SAMD5: variants seen among roughly 807,000 people sequenced by gnomAD.
SAMD5 encodes the protein sterile alpha motif domain containing 5.
In SAMD5, 13 loss-of-function variants were observed where a neutral mutation model predicts 11.3. The observed-to-expected ratio is 1.15, with a 90% CI of 0.75 to 1.83. The LOEUF is 1.83. Among genes scored for constraint, SAMD5 ranks in the 40% most tolerant of loss-of-function variants. The pLI, the probability that SAMD5 is intolerant of heterozygous loss-of-function variation, is 0.00. For synonymous variants in SAMD5, 129 were observed against 111.3 expected (o/e 1.16, Z -1.00); for missense variants, 255 against 239.1 (o/e 1.07, Z -0.44).
At chr6:147,814,851 A>G in the SAMD5 span, among the ~76,000 whole-genome samples, 469 of 152,288 alleles carry the variant, frequency 3.1e-3, 2 homozygotes, top group African/African-American at 0.01. Flanking sequence ...GGGAAATGTA[A>G]TTGGCAGGAA....
At chr6:147,794,299 C>G in the SAMD5 span, among the ~76,000 whole-genome samples, 1 of 152,080 alleles carries the variant, frequency 6.6e-6, no homozygotes, top group African/African-American at 2.4e-5. Context: ...TTTAGAGCTT[C>G]AAAAGTATTC....
At chr6:147,904,002 TC>T in the SAMD5 span, among the ~76,000 whole-genome samples, 1 of 152,156 alleles carries the variant, frequency 6.6e-6, no homozygotes, top group Non-Finnish European at 1.5e-5. Context: ...TCCCCAGATT[TC>T]TTTGTCTATG....
intron 1 of SAMD5, among the ~76,000 whole-genome samples, chr6:147,720,349 G>A (rs1791530210): frequency 6.6e-6 from 1 of 152,168 alleles, no homozygotes; most frequent in South Asian, 2.1e-4. Context: ...TGTAGTCCCA[G>A]CTACTCGGGA....
chr6:147,935,286 A>G, the SAMD5 span, among the ~76,000 whole-genome samples: 5 of 152,164 alleles, frequency 3.3e-5, no homozygotes, highest in Admixed American at 2.0e-4. Context: ...GCACATCTTC[A>G]TAGTGATATC....
chr6:147,870,431 GGTGTGT>G, the SAMD5 span, among the ~76,000 whole-genome samples: 5 of 138,304 alleles, frequency 3.6e-5, no homozygotes, highest in Admixed American at 1.5e-4. Context: ...CATCCCCTTT[GGTGTGT>G]GTGTGTGTGT....
intron 1 of SAMD5, among the ~76,000 whole-genome samples, chr6:147,662,025 C>T (rs944167140): frequency 2.6e-5 from 4 of 152,140 alleles, no homozygotes; most frequent in African/African-American, 7.2e-5. Context: ...TGACTCATTT[C>T]GTCCTCTCCT....
chr6:147,542,169 A>G (rs1310658443), intron 1 of SAMD5, among the ~76,000 whole-genome samples: 1 of 152,162 alleles, frequency 6.6e-6, no homozygotes, highest in East Asian at 1.9e-4. Context: ...ATCCATGCAT[A>G]TTGGGTCGGC....
chr6:147,684,989 CTCTT>C (rs988667475), intron 1 of SAMD5, among the ~76,000 whole-genome samples: 1 of 152,052 alleles, frequency 6.6e-6, no homozygotes, highest in Non-Finnish European at 1.5e-5. Context: ...AAAATGTTTT[CTCTT>C]TCTTTGTAAA....
chr6:147,870,220 C>A, the SAMD5 span, among the ~76,000 whole-genome samples: 1 of 151,908 alleles, frequency 6.6e-6, no homozygotes, highest in African/African-American at 2.4e-5. Context: ...CACATACAAA[C>A]CTCCAGGGTA....
At chr6:147,828,916 G>A in the SAMD5 span, among the ~76,000 whole-genome samples, 2 of 152,250 alleles carry the variant, frequency 1.3e-5, no homozygotes, top group Admixed American at 1.3e-4. Context: ...AACGCTCAAA[G>A]GAATAAGAGC....
the SAMD5 span, among the ~76,000 whole-genome samples, chr6:147,816,280 C>CAAAAAAAAAAA: frequency 6.3e-4 from 8 of 12,700 alleles, no homozygotes; most frequent in African/African-American, 1.3e-3. Flanking sequence ...AACTCCGTCT[C>CAAAAAAAAAAA]CAAAAAAAAA....
At position 147,566,899 on chromosome 6, in the gene SAMD5, G is replaced by A. The variant is rs1562322621; in HGVS notation, c.*2443G>A. On this transcript the variant is annotated 3_prime_UTR_variant, in exon 2 of 2. Transcript: ENST00000367474. ...TATCTGGGGACAGTTAGTCTTAGAAGGAGTAATTTTTTCAGCGTTTTTCCT... is the reference window on the plus strand; with the variant it reads ...TATCTGGGGACAGTTAGTCTTAGAAAGAGTAATTTTTTCAGCGTTTTTCCT... The A allele has an allele frequency of 7.3e-6, 7 of 952,836 alleles. No individual in the cohort carries two copies. In the Admixed American group the frequency reaches 4.3e-4, roughly 59 times the overall value. The allele number at this position is 952,836 out of a possible 1,614,324, so 59.0% of individuals were successfully genotyped here. A position where few individuals can be genotyped will look rare whatever the true frequency, so the allele number is the denominator to read the frequency against.
At chr6:147,947,259 A>C in the SAMD5 span, among the ~76,000 whole-genome samples, 21 of 152,182 alleles carry the variant, frequency 1.4e-4, no homozygotes, top group Non-Finnish European at 3.1e-4. Context: ...GAGTTTTTGC[A>C]ACAACATGGT....
chr6:147,714,425 T>C (rs2128458730), intron 1 of SAMD5, among the ~76,000 whole-genome samples: 1 of 152,272 alleles, frequency 6.6e-6, no homozygotes, highest in Admixed American at 6.5e-5. Flanking sequence ...TTCTCCACAG[T>C]TGTCAGTCAG....
chr6:147,918,449 C>T, the SAMD5 span, among the ~76,000 whole-genome samples: 1 of 152,154 alleles, frequency 6.6e-6, no homozygotes, highest in East Asian at 1.9e-4. Flanking sequence ...AGAGGGATGC[C>T]CTCTCTCACC....
the SAMD5 span, among the ~76,000 whole-genome samples, chr6:147,932,431 C>T: frequency 6.6e-6 from 1 of 152,132 alleles, no homozygotes. Context: ...GCAGTTACGT[C>T]ATCAGCAGTC....
the SAMD5 span, among the ~76,000 whole-genome samples, chr6:147,842,361 G>A: frequency 4.0e-5 from 6 of 151,820 alleles, no homozygotes; most frequent in Non-Finnish European, 7.4e-5. Context: ...TACCTGGTGA[G>A]TGCTCTCCCA....
chr6:147,609,864 C>T (rs542082966), intron 1 of SAMD5, among the ~76,000 whole-genome samples: 2 of 152,234 alleles, frequency 1.3e-5, no homozygotes, highest in East Asian at 3.9e-4. Flanking sequence ...CCAGAGAGAA[C>T]ATATTTAGTG....
chr6:147,587,305 G>A (rs1193868901), intron 1 of SAMD5, among the ~76,000 whole-genome samples: 1 of 152,080 alleles, frequency 6.6e-6, no homozygotes, highest in Non-Finnish European at 1.5e-5. Context: ...TGACGTGATG[G>A]CTGCTCACTG....
Sources: gnomAD v4.1 joint callset for allele counts (sites outside exome capture counted in the v4.1 genomes callset) on GRCh38, gnomAD v4.1.1 for gene constraint, MANE v1.5 for transcripts, NCBI Gene and HGNC (gene_info 2026-07-23, HGNC 2026-07-21) for gene names.